RBFOX1: variants seen among roughly 807,000 people sequenced by gnomAD.
RBFOX1 encodes RNA binding fox-1 homolog 1.
In RBFOX1, 8 loss-of-function variants were observed where a neutral mutation model predicts 57.7. The ratio of observed to expected loss-of-function variants is 0.14; its 90% confidence interval spans 0.08 to 0.25. RBFOX1 has a LOEUF of 0.25. Among genes scored for constraint, RBFOX1 ranks in the 10% least tolerant of loss-of-function variants. The probability of loss-of-function intolerance (pLI) is 1.00; values close to 1 mark genes in which losing one functional copy is unlikely to be tolerated. For synonymous variants in RBFOX1, 326 were observed against 222.4 expected (o/e 1.47, Z -4.15); for missense variants, 611 against 548.5 (o/e 1.11, Z -1.14).
At chr16:6,835,504 C>G (rs778043996) in intron 3 of RBFOX1, among the ~76,000 whole-genome samples, 2 of 151,942 alleles carry the variant, frequency 1.3e-5, no homozygotes, top group African/African-American at 2.4e-5. Flanking sequence ...GCAATCCCAG[C>G]ACTTTGGGAG....
At chr16:6,773,405 C>A (rs1222182274) in intron 3 of RBFOX1, among the ~76,000 whole-genome samples, 1 of 98,620 alleles carries the variant, frequency 1.0e-5, no homozygotes. Context: ...TTGTGTGTAT[C>A]TATGTGTATG....
chr16:5,745,275 T>C (rs2052932943), intron 3 of RBFOX1, among the ~76,000 whole-genome samples: 1 of 152,248 alleles, frequency 6.6e-6, no homozygotes, highest in African/African-American at 2.4e-5. Flanking sequence ...CATGAACTCA[T>C]CCTTTTTTAT....
intron 2 of RBFOX1, among the ~76,000 whole-genome samples, chr16:6,350,445 A>G (rs979172287): frequency 9.2e-4 from 4 of 4,370 alleles, no homozygotes; most frequent in Non-Finnish European, 2.3e-3. Context: ...CTGTCTCAAG[A>G]AAAAAAAAAA....
In RBFOX1 at chr16:7,693,416, C is replaced by CTTTTTTTTT. The variant is rs60812796; in HGVS notation, c.996-15630_996-15622dup. On this transcript the variant is annotated intron_variant, in intron 14 of 15. Transcript: ENST00000550418. ...ATGCATCCATCCAAGTCTCAGTATCCTTTTTTTTTTTTTTTTTTCTTCTTC... is the reference window on the plus strand; with the variant it reads ...ATGCATCCATCCAAGTCTCAGTATCCTTTTTTTTTTTTTTTTTTTTTTTTTTTCTTCTTC... 40 of 783,230 alleles carry CTTTTTTTTT rather than the reference C, an allele frequency of 5.1e-5. 1 individual carries two copies. Among genetic ancestry groups the CTTTTTTTTT allele is most frequent in the Admixed American group, 1.3e-4 (4 of 30,488 alleles). 48.5% of individuals were successfully genotyped at this position (783,230 alleles called of 1,614,324 possible).
chr16:5,943,640 C>T (rs1367785020), intron 4 of RBFOX1, among the ~76,000 whole-genome samples: 1 of 152,146 alleles, frequency 6.6e-6, no homozygotes, highest in Non-Finnish European at 1.5e-5. Context: ...ATTGATTTAT[C>T]TGTGAAATGG....
intron 3 of RBFOX1, among the ~76,000 whole-genome samples, chr16:6,906,222 C>G (rs146099241): frequency 6.8e-6 from 1 of 147,856 alleles, no homozygotes; most frequent in Non-Finnish European, 1.5e-5. Context: ...ATGGGCAACC[C>G]CAAAAAGCAA....
chr16:6,248,254 TG>T (rs1274262527), intron 1 of RBFOX1, among the ~76,000 whole-genome samples: 1 of 151,598 alleles, frequency 6.6e-6, no homozygotes, highest in East Asian at 1.9e-4. Context: ...GAACTGGGGG[TG>T]GGAGGAGAGG....
At chr16:6,733,053 C>T (rs143358818) in intron 3 of RBFOX1, among the ~76,000 whole-genome samples, 65 of 152,164 alleles carry the variant, frequency 4.3e-4, no homozygotes, top group African/African-American at 1.3e-3. Flanking sequence ...TATTAAGAGA[C>T]GTCAACATCT....
intron 3 of RBFOX1, among the ~76,000 whole-genome samples, chr16:5,688,598 A>T (rs2050574349): frequency 6.6e-6 from 1 of 151,942 alleles, no homozygotes; most frequent in African/African-American, 2.4e-5. Flanking sequence ...CATGAACTGG[A>T]TGGGTGATGG....
intron 2 of RBFOX1, among the ~76,000 whole-genome samples, chr16:6,481,019 C>G (rs779015031): frequency 3.9e-5 from 6 of 152,156 alleles, no homozygotes; most frequent in Non-Finnish European, 7.3e-5. Context: ...ACAAATGTAT[C>G]TTGTGCATGT....
chr16:6,127,028 C>T (rs994662074), intron 1 of RBFOX1, among the ~76,000 whole-genome samples: 6 of 152,074 alleles, frequency 3.9e-5, no homozygotes, highest in African/African-American at 1.4e-4. Flanking sequence ...GGTGTTTCCA[C>T]TAAGGCTTAG....
intron 1 of RBFOX1, among the ~76,000 whole-genome samples, chr16:5,418,881 G>A (rs894926391): frequency 6.6e-6 from 1 of 152,184 alleles, no homozygotes; most frequent in African/African-American, 2.4e-5. Flanking sequence ...TACCCAAACT[G>A]AGAATTACAG....
chr16:6,523,700 A>T (rs1223484050), intron 2 of RBFOX1, among the ~76,000 whole-genome samples: 2 of 152,182 alleles, frequency 1.3e-5, no homozygotes, highest in Non-Finnish European at 2.9e-5. Context: ...CTGTTAAAGA[A>T]CTTCAAAATT....
At chr16:5,939,990 A>G (rs2059247607) in intron 4 of RBFOX1, among the ~76,000 whole-genome samples, 1 of 152,164 alleles carries the variant, frequency 6.6e-6, no homozygotes, top group Non-Finnish European at 1.5e-5. Flanking sequence ...TGAGCTTCAG[A>G]TTTCTTATTT....
intron 1 of RBFOX1, among the ~76,000 whole-genome samples, chr16:5,249,690 C>T (rs1390073401): frequency 6.6e-6 from 1 of 152,098 alleles, no homozygotes; most frequent in Admixed American, 6.6e-5. Context: ...CAATGCAGAC[C>T]AGGTGTGGTG....
intron 4 of RBFOX1, among the ~76,000 whole-genome samples, chr16:5,941,605 G>A (rs945822358): frequency 1.3e-5 from 2 of 152,138 alleles, no homozygotes; most frequent in Admixed American, 6.5e-5. Flanking sequence ...AAAATACCTG[G>A]CACATAATAT....
Position 5,990,485 on chromosome 16 carries a change from C to G in RBFOX1, c.351+123150C>G, listed in dbSNP as rs151040195. Among the ~76,000 whole-genome samples, 706 of 152,312 alleles carry G rather than the reference C, an allele frequency of 4.6e-3. 6 individuals are homozygous for G. Among genetic ancestry groups the G allele is most frequent in the African/African-American group, 0.016 (672 of 41,562 alleles). On this transcript the variant is annotated intron_variant, in intron 4 of 19. Coordinates refer to the RBFOX1 transcript ENST00000641259. ...CTTAATACCTAGATTCTGGCTTGAC[C>G]TATTCCATTTCTTTCTTTTTTCTGC...
At chr16:7,489,194 C>T (rs1031116783) in intron 4 of RBFOX1, among the ~76,000 whole-genome samples, 14 of 152,120 alleles carry the variant, frequency 9.2e-5, no homozygotes, top group African/African-American at 3.1e-4. Context: ...TAGGTCTGCC[C>T]TATTAGGTAA....
At chr16:6,195,272 A>T (rs531190508) in intron 1 of RBFOX1, among the ~76,000 whole-genome samples, 1 of 152,246 alleles carries the variant, frequency 6.6e-6, no homozygotes, top group South Asian at 2.1e-4. Flanking sequence ...CTTGTAAGCC[A>T]GTCTTATTAT....
Sources: allele counts gnomAD v4.1 joint callset (sites outside exome capture counted in the v4.1 genomes callset), GRCh38; gene constraint gnomAD v4.1.1; transcripts MANE v1.5; gene names NCBI Gene and HGNC (gene_info 2026-07-23, HGNC 2026-07-21).